Variants in DBX2 observed in about 807,000 individuals in gnomAD.
DBX2 encodes the protein homeobox protein DBX2.
A neutral mutation model predicts 17.7 loss-of-function variants in DBX2; 16 were observed. That is an observed-to-expected ratio of 0.90 (90% confidence interval 0.61 to 1.37). The LOEUF is 1.37. DBX2 is among the 40% of genes most tolerant of loss of function. DBX2 has a pLI of 0.00. For synonymous variants in DBX2, 255 were observed against 183.8 expected (o/e 1.39, Z -3.13); for missense variants, 538 against 433.8 (o/e 1.24, Z -2.13).
chr12:45,024,586 GTTTA>G (rs1946371527), intron 2 of DBX2, among the ~76,000 whole-genome samples: 1 of 152,086 alleles, frequency 6.6e-6, no homozygotes, highest in Non-Finnish European at 1.5e-5. Flanking sequence ...TTCTTCATTT[GTTTA>G]TTTATTCATT....
rs1442326325 is a variant in DBX2 at position 45,050,886 on chromosome 12, C to T, written c.42G>A (p.Trp14Ter). 3 of 1,523,142 alleles carry T rather than the reference C, an allele frequency of 2.0e-6. No homozygotes were observed. Among genetic ancestry groups the T allele is most frequent in the South Asian group, 2.5e-5 (2 of 80,422 alleles). The allele number at this position is 1,523,142 out of a possible 1,614,324, so 94.4% of individuals were successfully genotyped here. A position where few individuals can be genotyped will look rare whatever the true frequency, so the allele number is the denominator to read the frequency against. Residue 14 changes from tryptophan to a stop codon, truncating the protein, a stop_gained, in exon 1 of 4, where the codon TGG (tryptophan) becomes TGA (stop). Transcript: ENST00000332700. LOFTEE classifies it high-confidence loss of function. ...SAVAAHAGAY[W>*]DVVASSALLN... is the part of the protein sequence containing the mutation. ...GGAGCGCGGAGGAAGCCACAACGTCCCAGTACGCACCGGCGTGGGCTGCGA... is the reference window on the plus strand; with the variant it reads ...GGAGCGCGGAGGAAGCCACAACGTCTCAGTACGCACCGGCGTGGGCTGCGA...
At position 45,051,019 on chromosome 12, in the gene DBX2, C is replaced by T. The variant is rs561763710; in HGVS notation, c.-92G>A. 7.7e-7 allele frequency: 1 copy of T among 1,298,600 alleles called. No homozygotes were observed. 80.4% of individuals were successfully genotyped at this position (1,298,600 alleles called of 1,614,324 possible). ...CGCACCCAGAGCCGCAGCTTCTCGC[C>T]GCCGCCTCCCGCAGGGCTGGAGCGC... On this transcript the variant is annotated 5_prime_UTR_variant, in exon 1 of 4. Transcript: ENST00000332700.
intron 3 of DBX2, among the ~76,000 whole-genome samples, chr12:45,018,058 A>C (rs945265484): frequency 6.6e-6 from 1 of 152,182 alleles, no homozygotes; most frequent in Non-Finnish European, 1.5e-5. Flanking sequence ...AATTCAGTGC[A>C]AAAGACTGTC....
intron 3 of DBX2, among the ~76,000 whole-genome samples, chr12:45,021,632 G>A (rs12306085): frequency 0.014 from 2,125 of 152,204 alleles, 62 homozygotes; most frequent in African/African-American, 0.049. Context: ...ACCACTGAGT[G>A]GCAGGCCAGG....
chr12:45,020,313 C>T (rs1015994704), intron 3 of DBX2, among the ~76,000 whole-genome samples: 1 of 152,082 alleles, frequency 6.6e-6, no homozygotes, highest in Non-Finnish European at 1.5e-5. Context: ...TAACTGAGTT[C>T]TTTCACTCAG....
chr12:45,046,837 T>C (rs11836961), intron 1 of DBX2, among the ~76,000 whole-genome samples: 10,853 of 152,224 alleles, frequency 0.071, 895 homozygotes, highest in East Asian at 0.31. Flanking sequence ...AAAATACTAA[T>C]GCTCTTTTAT....
chr12:45,044,321 G>C (rs1946487658), intron 1 of DBX2, among the ~76,000 whole-genome samples: 1 of 152,056 alleles, frequency 6.6e-6, no homozygotes, highest in South Asian at 2.1e-4. Flanking sequence ...AAACTTGCCA[G>C]CAGTCACGGT....
intron 3 of DBX2, 84 bp from the exon 4 acceptor site, chr12:45,016,702 T>C: frequency 1.5e-6 from 2 of 1,361,440 alleles, no homozygotes; most frequent in East Asian, 2.4e-5. Context: ...GCTTCTACTA[T>C]CCCTTCTACA....
chr12:45,014,777 A>C lies in DBX2; in HGVS notation c.*1509T>G, dbSNP rs2137015344. 1 of 152,328 alleles carries C rather than the reference A, an allele frequency of 6.6e-6. No individual in the cohort carries two copies. The highest frequency in any genetic ancestry group is 2.4e-5 in the African/African-American group (1 of 41,592). 9.4% of individuals were successfully genotyped at this position (152,328 alleles called of 1,614,324 possible). On this transcript the variant is annotated 3_prime_UTR_variant, in exon 4 of 4. Coordinates refer to ENST00000332700, the MANE Select transcript of DBX2 (RefSeq NM_001004329.3). ...ACTTCTAAAATGACTTTTAAGTAAA[A>C]GATCATGTGGTAAAGACACAGGTTG...
At chr12:45,048,047 A>G (rs957448223) in intron 1 of DBX2, among the ~76,000 whole-genome samples, 2 of 152,218 alleles carry the variant, frequency 1.3e-5, no homozygotes, top group Non-Finnish European at 2.9e-5. Context: ...GGCCTAGAAC[A>G]GAGCCTGATA....
At chr12:45,029,314 T>C (rs1032290099) in intron 2 of DBX2, among the ~76,000 whole-genome samples, 1 of 152,258 alleles carries the variant, frequency 6.6e-6, no homozygotes, top group Non-Finnish European at 1.5e-5. Context: ...GGGGCTTACA[T>C]GTGCTGACAT....
In DBX2 at chr12:45,016,376, T is replaced by A. The variant is rs748699581; in HGVS notation, c.930A>T (p.Pro310=). 4.6e-5 allele frequency: 74 copies of A among 1,613,396 alleles called. No homozygotes were observed. Among genetic ancestry groups the A allele is most frequent in the Non-Finnish European group, 6.2e-5 (73 of 1,179,854 alleles). ...CTTGCAGTGAATTTGCTTCTGGGGG[T>A]GGTGCCCCTGAACTCTCCTGGATTA... ...ERLIQESSGA[P]PPEANSLQGA... Residue 310 remains proline (P), a synonymous_variant, in exon 4 of 4, where the codon CCA becomes CCT. Coordinates refer to ENST00000332700, the MANE Select transcript of DBX2 (RefSeq NM_001004329.3).
chr12:45,036,071 C>A lies in DBX2; in HGVS notation c.447G>T (p.Ser149=), dbSNP rs764326947. The A allele has an allele frequency of 2.5e-6, 4 of 1,613,618 alleles. No individual in the cohort carries two copies. Among genetic ancestry groups the A allele is most frequent in the Non-Finnish European group, 3.4e-6 (4 of 1,179,866 alleles). ...PFLLSTPPFY[S]ACCGGSCRRP... Reference sequence around the variant, plus strand: ...GCCGACAGGACCCACCGCAGCACGCCGAGTAGAATGGCGGGGTGCTCAGAA... The same window carrying A: ...GCCGACAGGACCCACCGCAGCACGCAGAGTAGAATGGCGGGGTGCTCAGAA... The change falls in exon 2 of 4, where the codon TCG becomes TCT. Residue 149 remains serine (S), a synonymous_variant. Transcript: ENST00000332700.
intron 3 of DBX2, 58 bp downstream of exon 3, chr12:45,023,649 A>G: frequency 6.2e-7 from 1 of 1,605,900 alleles, no homozygotes; most frequent in Non-Finnish European, 8.5e-7. Context: ...AACACAACTG[A>G]TTTCATCTGA....
intron 1 of DBX2, among the ~76,000 whole-genome samples, chr12:45,040,817 C>G (rs150753684): frequency 6.6e-6 from 1 of 152,000 alleles, no homozygotes; most frequent in East Asian, 1.9e-4. Context: ...TTTTATTCTC[C>G]TTTAGTAATG....
chr12:45,025,405 G>A (rs1271244895), intron 2 of DBX2, among the ~76,000 whole-genome samples: 1 of 152,074 alleles, frequency 6.6e-6, no homozygotes, highest in Admixed American at 6.5e-5. Flanking sequence ...CTTGATTTTA[G>A]CCCTATGAGA....
At chr12:45,022,506 G>T (rs866537725) in intron 3 of DBX2, among the ~76,000 whole-genome samples, 1 of 151,718 alleles carries the variant, frequency 6.6e-6, no homozygotes, top group African/African-American at 2.4e-5. Context: ...GGGTTTCACC[G>T]TGTTAGCCAG....
chr12:45,028,926 A>G (rs1946395115), intron 2 of DBX2, among the ~76,000 whole-genome samples: 1 of 152,228 alleles, frequency 6.6e-6, no homozygotes. Flanking sequence ...CAAGAAGCAT[A>G]TGACAATGCT....
chr12:45,020,675 G>GTGTATA (rs1555141165), intron 3 of DBX2, among the ~76,000 whole-genome samples: 4 of 146,010 alleles, frequency 2.7e-5, no homozygotes, highest in African/African-American at 7.6e-5. Context: ...GTATATATAT[G>GTGTATA]TATATATATA....
Sources: allele counts gnomAD v4.1 joint callset (sites outside exome capture counted in the v4.1 genomes callset), GRCh38; gene constraint gnomAD v4.1.1; transcripts MANE v1.5; gene names NCBI Gene and HGNC (gene_info 2026-07-23, HGNC 2026-07-21).